Variants in OXSR1 observed in about 807,000 individuals in gnomAD.
The protein encoded by OXSR1 is oxidative stress responsive kinase 1.
Under a neutral mutation model 79.8 loss-of-function variants are expected in OXSR1, and 24 were observed. That is an observed-to-expected ratio of 0.30 (90% CI 0.22 to 0.42). The LOEUF (loss-of-function observed/expected upper bound fraction) is 0.42. OXSR1 is among the 10% of genes least tolerant of loss of function. The pLI, the probability that OXSR1 is intolerant of heterozygous loss-of-function variation, is 1.00. For missense variants in OXSR1, 430 were observed against 618.4 expected (o/e 0.70, Z 3.23); for synonymous variants, 226 against 209.2 (o/e 1.08, Z -0.69).
At chr3:38,211,060 G>A (rs888910335) in intron 4 of OXSR1, among the ~76,000 whole-genome samples, 5 of 152,184 alleles carry the variant, frequency 3.3e-5, no homozygotes, top group African/African-American at 1.2e-4. Context: ...TATTTGGGCA[G>A]ATTCACAATG....
intron 4 of OXSR1, among the ~76,000 whole-genome samples, chr3:38,205,322 G>C (rs1401623441): frequency 6.6e-6 from 1 of 152,166 alleles, no homozygotes; most frequent in Non-Finnish European, 1.5e-5. Flanking sequence ...GTGTTTCTGT[G>C]GGGAAGATGA....
chr3:38,234,959 T>C (rs570098930), intron 10 of OXSR1, among the ~76,000 whole-genome samples: 36 of 152,318 alleles, frequency 2.4e-4, no homozygotes, highest in African/African-American at 8.7e-4. Flanking sequence ...TTTCAAACAT[T>C]ATGCTAGTTT....
rs752031073 is a variant in OXSR1 at position 38,246,037 on chromosome 3, A to G, written c.1111-38A>G. ...TGTCAGCAGACCTGCCTCCCTTTCC[A>G]CACAACTTAAGCAACACTGTGTGTG... On this transcript the variant is annotated intron_variant, in intron 12 of 17. Transcript: ENST00000311806. The G allele has an allele frequency of 1.9e-6, 3 of 1,605,698 alleles. No individual in the cohort carries two copies. In the South Asian group the frequency reaches 3.3e-5, roughly 18 times the overall value.
intron 4 of OXSR1, among the ~76,000 whole-genome samples, chr3:38,206,105 A>C (rs1702259485): frequency 6.6e-6 from 1 of 152,220 alleles, no homozygotes; most frequent in Non-Finnish European, 1.5e-5. Flanking sequence ...TTGTATTCTT[A>C]AAATTAATTT....
chr3:38,230,704 G>A (rs1702787507), intron 10 of OXSR1: 1 of 309,774 alleles, frequency 3.2e-6, no homozygotes, highest in Non-Finnish European at 6.1e-6. Flanking sequence ...CCAGCTACCA[G>A]AGTGAGTTGT....
At chr3:38,181,571 T>A (rs1699095514) in intron 1 of OXSR1, among the ~76,000 whole-genome samples, 1 of 152,014 alleles carries the variant, frequency 6.6e-6, no homozygotes, top group Non-Finnish European at 1.5e-5. Context: ...TTGGCCAAGA[T>A]GGTCGCGATC....
chr3:38,205,139 G>T (rs1285654750), intron 4 of OXSR1, among the ~76,000 whole-genome samples: 2 of 152,192 alleles, frequency 1.3e-5, no homozygotes, highest in Non-Finnish European at 2.9e-5. Flanking sequence ...TCTGTGCCCT[G>T]CAGCTACTTC....
At chr3:38,234,415 C>T (rs1190726079) in intron 10 of OXSR1, among the ~76,000 whole-genome samples, 1 of 152,012 alleles carries the variant, frequency 6.6e-6, no homozygotes, top group East Asian at 1.9e-4. Flanking sequence ...AAAAAGACAA[C>T]ACATTTTTAA....
intron 3 of OXSR1, among the ~76,000 whole-genome samples, chr3:38,191,853 G>T (rs544438008): frequency 6.6e-6 from 1 of 152,052 alleles, no homozygotes; most frequent in East Asian, 1.9e-4. Context: ...ATTTCATCAG[G>T]GGTTGTAAAA....
intron 3 of OXSR1, among the ~76,000 whole-genome samples, chr3:38,198,352 G>A (rs967688373): frequency 1.3e-5 from 2 of 152,064 alleles, no homozygotes; most frequent in Non-Finnish European, 2.9e-5. Context: ...TAGTCATACA[G>A]CAGTGCATAT....
chr3:38,244,240 T>A (rs150604975), intron 12 of OXSR1, among the ~76,000 whole-genome samples: 2 of 152,320 alleles, frequency 1.3e-5, no homozygotes, highest in Non-Finnish European at 2.9e-5. Flanking sequence ...TGCATACTCA[T>A]ATTCTCATGC....
chr3:38,208,538 A>AT (rs1253096846), intron 4 of OXSR1, among the ~76,000 whole-genome samples: 1 of 152,058 alleles, frequency 6.6e-6, no homozygotes. Flanking sequence ...AGAAATACTC[A>AT]TTTTTTCCTA....
intron 4 of OXSR1, among the ~76,000 whole-genome samples, chr3:38,200,748 A>AC (rs1382366580): frequency 6.6e-6 from 1 of 152,224 alleles, no homozygotes; most frequent in African/African-American, 2.4e-5. Flanking sequence ...ATTGCTTTTA[A>AC]CATTGTGATG....
At chr3:38,172,656 A>G (rs1463843460) in intron 1 of OXSR1, among the ~76,000 whole-genome samples, 1 of 152,162 alleles carries the variant, frequency 6.6e-6, no homozygotes, top group African/African-American at 2.4e-5. Context: ...CATAAATGTG[A>G]AGGACTTCGT....
chr3:38,176,476 G>C (rs1258408054), intron 1 of OXSR1, among the ~76,000 whole-genome samples: 1 of 152,186 alleles, frequency 6.6e-6, no homozygotes, highest in African/African-American at 2.4e-5. Flanking sequence ...ACTGTTAAAA[G>C]TAGTGAGTTT....
At chr3:38,188,404 A>G (rs1010798645) in intron 2 of OXSR1, among the ~76,000 whole-genome samples, 2 of 152,204 alleles carry the variant, frequency 1.3e-5, no homozygotes, top group Non-Finnish European at 2.9e-5. Flanking sequence ...AAGAATTGCA[A>G]AAGTAGTACA....
rs371072618 is a variant in OXSR1 at position 38,197,701 on chromosome 3, C to T, written c.293-1021C>T. Among the ~76,000 whole-genome samples the T allele has an allele frequency of 2.0e-5, 3 of 152,234 alleles. No homozygotes were observed. The East Asian group carries it at 5.8e-4, about 29-fold the overall frequency. ...GTAGGAGCTAAAATAAACTTGCGTTCAGTCCTTCATGTTTTTGAGAATTCC... is the reference window on the plus strand; with the variant it reads ...GTAGGAGCTAAAATAAACTTGCGTTTAGTCCTTCATGTTTTTGAGAATTCC... On this transcript the variant is annotated intron_variant, in intron 3 of 17. Transcript: ENST00000311806.
At chr3:38,221,768 T>G in intron 6 of OXSR1, 81 bp downstream of exon 6, 2 of 767,514 alleles carry the variant, frequency 2.6e-6, no homozygotes, top group Non-Finnish European at 4.4e-6. Context: ...TTGCTTTTCT[T>G]TGGCATACCA....
chr3:38,187,148 A>G (rs1424249026), intron 2 of OXSR1, among the ~76,000 whole-genome samples: 1 of 152,228 alleles, frequency 6.6e-6, no homozygotes. Context: ...ACTAAGAGAG[A>G]TACATTCTAT....
Sources: allele counts gnomAD v4.1 joint callset (sites outside exome capture counted in the v4.1 genomes callset), GRCh38; gene constraint gnomAD v4.1.1; transcripts MANE v1.5; gene names NCBI Gene and HGNC (gene_info 2026-07-23, HGNC 2026-07-21).